Variants in CSMD2 observed in about 807,000 individuals in gnomAD.
CSMD2 encodes CUB and Sushi multiple domains 2.
In CSMD2, 130 loss-of-function variants were observed where a neutral mutation model predicts 398.5. The observed-to-expected ratio is 0.33, with a 90% confidence interval of 0.28 to 0.38. The LOEUF is 0.38. Among genes scored for constraint, CSMD2 ranks in the 10% least tolerant of loss-of-function variants. The probability of loss-of-function intolerance (pLI) is 1.00; values close to 1 mark genes in which losing one functional copy is unlikely to be tolerated. For synonymous variants in CSMD2, 1,828 were observed against 1,908.5 expected (o/e 0.96, Z 1.10); for missense variants, 3,829 against 4,764.9 (o/e 0.80, Z 5.78).
At chr1:33,678,781 A>C (rs1644805491) in intron 25 of CSMD2, among the ~76,000 whole-genome samples, 1 of 152,236 alleles carries the variant, frequency 6.6e-6, no homozygotes, top group South Asian at 2.1e-4. Context: ...ACCAAAGCCC[A>C]AATCCAGCAT....
chr1:33,668,129 C>T (rs1644374789), intron 25 of CSMD2, among the ~76,000 whole-genome samples: 1 of 152,016 alleles, frequency 6.6e-6, no homozygotes, highest in Non-Finnish European at 1.5e-5. Context: ...AGGAAGCCTG[C>T]AGTGAATAAA....
At chr1:33,617,693 A>G (rs918430458) in intron 37 of CSMD2, 76 bp from the exon 38 acceptor site, 1 of 1,090,658 alleles carries the variant, frequency 9.2e-7, no homozygotes, top group African/African-American at 1.5e-5. Context: ...CTGGGGTGAG[A>G]TGCTGGTGGC....
At chr1:33,517,966 G>A (rs926788491) in intron 70 of CSMD2, among the ~76,000 whole-genome samples, 5 of 152,194 alleles carry the variant, frequency 3.3e-5, no homozygotes, top group Admixed American at 6.5e-5. Flanking sequence ...CTGTTTCCTC[G>A]CTGCACTGCC....
At chr1:33,943,925 TACACAC>T (rs57400434) in intron 3 of CSMD2, among the ~76,000 whole-genome samples, 9,414 of 144,244 alleles carry the variant, frequency 0.065, 337 homozygotes, top group East Asian at 0.13. Context: ...TAATCAGAAT[TACACAC>T]ACACACACAC....
At chr1:33,619,302 G>C (rs1420128893) in intron 37 of CSMD2, among the ~76,000 whole-genome samples, 3 of 152,166 alleles carry the variant, frequency 2.0e-5, no homozygotes, top group Admixed American at 6.5e-5. Flanking sequence ...AGGCTCCCTT[G>C]GGGGATACAG....
chr1:33,590,294 A>ATTTTTTTTTTT (rs56252015), intron 44 of CSMD2, among the ~76,000 whole-genome samples: 2 of 73,860 alleles, frequency 2.7e-5, no homozygotes, highest in Non-Finnish European at 5.0e-5. Context: ...GCTAATTAAA[A>ATTTTTTTTTTT]TTTTTTTTTT....
intron 19 of CSMD2, among the ~76,000 whole-genome samples, chr1:33,716,795 T>C (rs1467560096): frequency 1.3e-5 from 2 of 152,234 alleles, no homozygotes; most frequent in South Asian, 2.1e-4. Context: ...GCTTGACCTA[T>C]GAGAATGCTT....
At position 33,714,594 on chromosome 1, in the gene CSMD2, C is replaced by T. The variant is rs762518970; in HGVS notation, c.3399G>A (p.Arg1133=). ...AAGCACGTGACCACCTACCAACACA[C>T]CTTGGCAGAGGCGAGCTCCACAGGC... The part of the protein sequence containing the change: ...RRRLWSSPLP[R]CVAECGNSVT... The change falls in exon 21 of 71, where the codon AGG becomes AGA. Residue 1133 remains arginine, a synonymous_variant. Transcript: ENST00000373381. 1.2e-6 allele frequency: 2 copies of T among 1,613,768 alleles called. No homozygotes were observed. Among genetic ancestry groups the T allele is most frequent in the Admixed American group, 1.7e-5 (1 of 60,020 alleles).
intron 25 of CSMD2, among the ~76,000 whole-genome samples, chr1:33,671,363 A>G (rs1571164835): frequency 6.6e-6 from 1 of 152,162 alleles, no homozygotes; most frequent in South Asian, 2.1e-4. Flanking sequence ...AACTCCAGCA[A>G]GTATGCCAGC....
At chr1:33,725,630 A>T in intron 16 of CSMD2, 94 bp from the exon 17 acceptor site, 1 of 1,195,120 alleles carries the variant, frequency 8.4e-7, no homozygotes, top group Non-Finnish European at 1.2e-6. Flanking sequence ...GCTTCCGAAT[A>T]ACCAGATTTT....
intron 1 of CSMD2, among the ~76,000 whole-genome samples, chr1:34,152,851 G>C (rs933439911): frequency 6.6e-6 from 1 of 152,066 alleles, no homozygotes; most frequent in African/African-American, 2.4e-5. Flanking sequence ...TTGCAAAACT[G>C]AAAGTCAGTG....
intron 3 of CSMD2, among the ~76,000 whole-genome samples, chr1:33,982,659 G>T (rs762037312): frequency 6.6e-6 from 1 of 152,208 alleles, no homozygotes; most frequent in Admixed American, 6.5e-5. Flanking sequence ...CCTGGAATAG[G>T]TTATAGGAGA....
intron 1 of CSMD2, among the ~76,000 whole-genome samples, chr1:34,093,776 G>A (rs983869589): frequency 1.3e-5 from 2 of 152,022 alleles, no homozygotes; most frequent in African/African-American, 2.4e-5. Flanking sequence ...CCAAATCTAC[G>A]TCCGATTGGT....
intron 5 of CSMD2, among the ~76,000 whole-genome samples, chr1:33,877,977 CTT>C (rs1156642368): frequency 6.6e-6 from 1 of 152,060 alleles, no homozygotes; most frequent in Non-Finnish European, 1.5e-5. Flanking sequence ...GATTCTCTCT[CTT>C]GATAGTTTGA....
At chr1:34,135,358 C>T (rs1638624830) in intron 1 of CSMD2, among the ~76,000 whole-genome samples, 1 of 151,836 alleles carries the variant, frequency 6.6e-6, no homozygotes. Context: ...AACTGATTGA[C>T]TCCTGTAATC....
In CSMD2 at chr1:33,616,941, A is replaced by T. The variant is rs1309065219; in HGVS notation, c.5981T>A (p.Val1994Glu). Residue 1994 changes from valine (V) to glutamate (E), a missense_variant, in exon 39 of 71, where the codon GTG becomes GAG. This residue lies in a region of CSMD2 where 2,001 missense variants were observed against 2,567.1 expected (regional missense o/e 0.78). Coordinates refer to ENST00000373381, the MANE Select transcript of CSMD2 (RefSeq NM_001281956.2). The part of the protein sequence containing the change: ...HAHISCMPGT[V>E]RRWNYPPPLC... ...TGGAGGAGGGTAGTTCCATCGCCGC[A>T]CTGTTCCGGGCATGCAGGAGATGTG... 6.2e-7 allele frequency: 1 copy of T among 1,614,106 alleles called. No homozygotes were observed. The highest frequency in any genetic ancestry group is 1.7e-5 in the Admixed American group (1 of 60,012).
chr1:33,950,377 C>T (rs911173747), intron 3 of CSMD2, among the ~76,000 whole-genome samples: 1 of 121,372 alleles, frequency 8.2e-6, no homozygotes, highest in African/African-American at 3.7e-5. Flanking sequence ...CTTATTTCTC[C>T]TCCAGCAGAG....
chr1:33,851,225 C>T (rs1350473001), intron 5 of CSMD2, among the ~76,000 whole-genome samples: 1 of 152,162 alleles, frequency 6.6e-6, no homozygotes, highest in Non-Finnish European at 1.5e-5. Flanking sequence ...TATAGGGAGT[C>T]CCTGAAAAGC....
intron 5 of CSMD2, among the ~76,000 whole-genome samples, chr1:33,876,561 C>T (rs1222319119): frequency 6.6e-6 from 1 of 152,188 alleles, no homozygotes; most frequent in East Asian, 1.9e-4. Context: ...TGTATTTACT[C>T]ATCTATTACA....
Sources: allele counts gnomAD v4.1 joint callset (sites outside exome capture counted in the v4.1 genomes callset), GRCh38; gene constraint gnomAD v4.1.1; regional missense constraint gnomAD v4.1.1; transcripts MANE v1.5; gene names NCBI Gene and HGNC (gene_info 2026-07-23, HGNC 2026-07-21).